The following ESR1 variants were observed in gnomAD, a reference collection of about 807,000 sequenced individuals.
ESR1 encodes estrogen receptor 1, also known as estrogen receptor.
In ESR1, 12 loss-of-function variants were observed where a neutral mutation model predicts 52.7. The observed-to-expected ratio is 0.23, with a 90% CI of 0.15 to 0.37. The LOEUF (loss-of-function observed/expected upper bound fraction) is 0.37, where lower values mean the gene tolerates loss of function less well. Among genes scored for constraint, ESR1 ranks in the 10% least tolerant of loss-of-function variants. ESR1 has a pLI of 1.00. For synonymous variants in ESR1, 305 were observed against 316.8 expected (o/e 0.96, Z 0.39); for missense variants, 584 against 779.7 (o/e 0.75, Z 2.99).
rs553780172 is a variant in ESR1 at position 152,100,923 on chromosome 6, A to G, written c.*1957A>G. On this transcript the variant is annotated 3_prime_UTR_variant, in exon 8 of 8. Transcript: ENST00000206249. ...TAAGAAGCACCTTATATAGTATAAT[A>G]TATATTTTTTTGAAATTACATTGCT... is the stretch of plus-strand genomic sequence containing the variant. 4 of 230,456 alleles carry G rather than the reference A, an allele frequency of 1.7e-5. No homozygotes were observed. The highest frequency in any genetic ancestry group is 1.8e-4 in the South Asian group (1 of 5,500). 14.3% of individuals were successfully genotyped at this position (230,456 alleles called of 1,614,324 possible). A position where few individuals can be genotyped will look rare whatever the true frequency, so the allele number is the denominator to read the frequency against.
intron 2 of ESR1, among the ~76,000 whole-genome samples, chr6:151,702,704 C>T (rs1779888312): frequency 6.6e-6 from 1 of 152,170 alleles, no homozygotes; most frequent in African/African-American, 2.4e-5. Context: ...CAAGTAATTA[C>T]ATTATTTTTT....
rs975219264 is a variant in ESR1, at chr6:151,944,522, G to A, written c.1096+14G>A. ...AGAGGGTGCCAGGTAAGAATGCGAA[G>A]CGCAGCTTTTAAGAGTCAATAGCTT... On this transcript the variant is annotated intron_variant, in intron 4 of 7. Coordinates refer to ENST00000206249, the MANE Select transcript of ESR1 (RefSeq NM_000125.4). 2 of 1,612,314 alleles carry A rather than the reference G, an allele frequency of 1.2e-6. No homozygotes were observed. Among genetic ancestry groups the A allele is most frequent in the African/African-American group, 1.3e-5 (1 of 75,014 alleles).
At chr6:151,972,538 T>C (rs1211736969) in intron 4 of ESR1, among the ~76,000 whole-genome samples, 1 of 152,094 alleles carries the variant, frequency 6.6e-6, no homozygotes, top group Non-Finnish European at 1.5e-5. Context: ...ATGAATAGAA[T>C]TAAAAACAAA....
chr6:151,849,181 A>G (rs1007695491), intron 2 of ESR1, among the ~76,000 whole-genome samples: 1 of 152,006 alleles, frequency 6.6e-6, no homozygotes, highest in African/African-American at 2.4e-5. Context: ...AAGTTTTCCT[A>G]TTTATTCATT....
At chr6:151,684,989 C>A (rs1168064972) in intron 1 of ESR1, among the ~76,000 whole-genome samples, 1 of 151,750 alleles carries the variant, frequency 6.6e-6, no homozygotes, top group Admixed American at 6.6e-5. Flanking sequence ...AGAGATTTTT[C>A]TTCTGTAAAG....
intron 1 of ESR1, among the ~76,000 whole-genome samples, chr6:151,692,053 C>T (rs867731835): frequency 4.6e-5 from 7 of 152,134 alleles, no homozygotes; most frequent in African/African-American, 1.4e-4. Flanking sequence ...GTCGTATTTA[C>T]GAGTAGAAGA....
At chr6:151,680,204 CTTTTTTTT>C (rs35600661) in intron 1 of ESR1, among the ~76,000 whole-genome samples, 122 of 126,804 alleles carry the variant, frequency 9.6e-4, no homozygotes, top group African/African-American at 3.6e-3. Context: ...TTTCTTTTCT[CTTTTTTTT>C]TTTTTTTTTG....
chr6:152,005,061 C>T (rs1029082511), intron 4 of ESR1, among the ~76,000 whole-genome samples: 1 of 151,876 alleles, frequency 6.6e-6, no homozygotes, highest in African/African-American at 2.4e-5. Flanking sequence ...CACTACAAGG[C>T]GAGTTTTGTT....
At chr6:151,812,883 T>C (rs1779033129) in intron 1 of ESR1, among the ~76,000 whole-genome samples, 1 of 152,052 alleles carries the variant, frequency 6.6e-6, no homozygotes, top group Non-Finnish European at 1.5e-5. Context: ...GTAAGGGACT[T>C]CATGGAAAGG....
chr6:151,813,666 C>T (rs1779182156), intron 1 of ESR1, among the ~76,000 whole-genome samples: 1 of 152,124 alleles, frequency 6.6e-6, no homozygotes, highest in East Asian at 1.9e-4. Flanking sequence ...TTTGTCTCTC[C>T]TCTGAACTAT....
intron 1 of ESR1, among the ~76,000 whole-genome samples, chr6:151,824,400 A>C (rs1442948857): frequency 6.6e-6 from 1 of 152,040 alleles, no homozygotes; most frequent in Non-Finnish European, 1.5e-5. Context: ...AGATTGCAAA[A>C]ATTTTCTCCC....
At chr6:151,795,399 A>C (rs1439438772) in intron 2 of ESR1, among the ~76,000 whole-genome samples, 1 of 151,194 alleles carries the variant, frequency 6.6e-6, no homozygotes, top group Admixed American at 6.6e-5. Flanking sequence ...AGGCACGAGA[A>C]TTGAATGAAC....
At chr6:151,841,189 C>T (rs1784225406) in intron 1 of ESR1, among the ~76,000 whole-genome samples, 1 of 152,208 alleles carries the variant, frequency 6.6e-6, no homozygotes, top group South Asian at 2.1e-4. Context: ...GGCCCATGCC[C>T]TTCAGTCTAC....
intron 2 of ESR1, among the ~76,000 whole-genome samples, chr6:151,855,423 C>G (rs1787646487): frequency 6.6e-6 from 1 of 152,144 alleles, no homozygotes; most frequent in Non-Finnish European, 1.5e-5. Flanking sequence ...TCATTTCTCC[C>G]TGTTTCACTC....
At chr6:152,024,237 C>A (rs973378031) in intron 5 of ESR1, among the ~76,000 whole-genome samples, 5 of 152,018 alleles carry the variant, frequency 3.3e-5, no homozygotes, top group African/African-American at 2.4e-5. Context: ...AAGATTTGTT[C>A]ATCTGTTAAT....
At chr6:151,996,130 C>T (rs996253357) in intron 4 of ESR1, among the ~76,000 whole-genome samples, 6 of 152,260 alleles carry the variant, frequency 3.9e-5, no homozygotes, top group Middle Eastern at 3.4e-3. Flanking sequence ...ATAAACAGTG[C>T]ATTTTTTCCC....
At chr6:151,664,498 C>A (rs1311214915) in intron 1 of ESR1, among the ~76,000 whole-genome samples, 1 of 152,178 alleles carries the variant, frequency 6.6e-6, no homozygotes, top group African/African-American at 2.4e-5. Flanking sequence ...AAGGCAATTT[C>A]TCTTTAGGCT....
chr6:152,045,091 G>A (rs1313180660), intron 5 of ESR1, among the ~76,000 whole-genome samples: 1 of 152,200 alleles, frequency 6.6e-6, no homozygotes, highest in Non-Finnish European at 1.5e-5. Context: ...AGTGCTGTCT[G>A]TGGGTGCATG....
intron 5 of ESR1, among the ~76,000 whole-genome samples, chr6:152,023,527 A>G (rs2043864008): frequency 6.6e-6 from 1 of 152,208 alleles, no homozygotes; most frequent in Admixed American, 6.5e-5. Flanking sequence ...TTTCTTGATA[A>G]TCACAATGCC....
Sources: allele counts gnomAD v4.1 joint callset (sites outside exome capture counted in the v4.1 genomes callset), GRCh38; gene constraint gnomAD v4.1.1; transcripts MANE v1.5; gene names NCBI Gene and HGNC (gene_info 2026-07-23, HGNC 2026-07-21).